TBC1D14: variants seen among roughly 807,000 people sequenced by gnomAD.
TBC1D14 encodes TBC1 domain family, member 14.
A neutral mutation model predicts 79.0 loss-of-function variants in TBC1D14; 26 were observed. That is an observed-to-expected ratio of 0.33 (90% confidence interval 0.24 to 0.46). TBC1D14 has a LOEUF of 0.46. Among genes scored for constraint, TBC1D14 ranks in the 20% least tolerant of loss-of-function variants. TBC1D14 has a pLI of 1.00. For synonymous variants in TBC1D14, 394 were observed against 349.9 expected, an observed-to-expected ratio of 1.13 and a Z score of -1.40; for missense variants, 769 against 887.6, an observed-to-expected ratio of 0.87 and a Z score of 1.70.
chr4:6,978,104 C>G (rs573641038), intron 3 of TBC1D14, among the ~76,000 whole-genome samples: 1 of 150,098 alleles, frequency 6.7e-6, no homozygotes, highest in Non-Finnish European at 1.5e-5. Context: ...GCCGCCCCAT[C>G]CGGGAGGGAG....
intron 2 of TBC1D14, among the ~76,000 whole-genome samples, chr4:6,957,643 T>C (rs1714766329): frequency 6.6e-6 from 1 of 152,186 alleles, no homozygotes; most frequent in South Asian, 2.1e-4. Context: ...ATGTGTCTTT[T>C]AGGTTTTATC....
intron 13 of TBC1D14, among the ~76,000 whole-genome samples, chr4:7,028,055 C>G (rs540844346): frequency 6.3e-4 from 93 of 147,712 alleles, no homozygotes; most frequent in African/African-American, 2.3e-3. Context: ...CTACACATTG[C>G]ATACCCACAC....
chr4:6,919,007 G>C (rs1225764944), intron 1 of TBC1D14, among the ~76,000 whole-genome samples: 3 of 152,152 alleles, frequency 2.0e-5, no homozygotes, highest in Non-Finnish European at 4.4e-5. Context: ...CACGGCTCTG[G>C]GGAAGAGCAG....
chr4:6,986,115 T>C (rs940895814), intron 3 of TBC1D14, among the ~76,000 whole-genome samples: 2 of 152,232 alleles, frequency 1.3e-5, no homozygotes. Context: ...ATTTACCTTT[T>C]TAAGAAGTGT....
intron 2 of TBC1D14, among the ~76,000 whole-genome samples, chr4:6,939,936 C>T (rs1308853891): frequency 2.0e-5 from 3 of 151,854 alleles, no homozygotes; most frequent in African/African-American, 4.8e-5. Flanking sequence ...ACTGGCCTTG[C>T]TTTTCAGGCG....
chr4:7,014,639 A>G, intron 12 of TBC1D14, 82 bp downstream of exon 12: 3 of 978,310 alleles, frequency 3.1e-6, no homozygotes, highest in Non-Finnish European at 4.8e-6. Flanking sequence ...CAACTTCTTC[A>G]TGGCCCGGCT....
intron 3 of TBC1D14, among the ~76,000 whole-genome samples, chr4:6,986,315 GTC>G (rs1166854866): frequency 2.0e-5 from 3 of 152,200 alleles, no homozygotes; most frequent in Non-Finnish European, 4.4e-5. Flanking sequence ...TTGCATGCAA[GTC>G]TCTCTGGTCG....
At chr4:7,007,342 C>T (rs983536293) in intron 9 of TBC1D14, among the ~76,000 whole-genome samples, 28 of 152,208 alleles carry the variant, frequency 1.8e-4, no homozygotes, top group African/African-American at 6.0e-4. Context: ...GGGCTGCCAG[C>T]AGTAGGTTGT....
intron 3 of TBC1D14, among the ~76,000 whole-genome samples, chr4:6,980,265 T>G (rs1485667352): frequency 6.6e-6 from 1 of 152,146 alleles, no homozygotes; most frequent in African/African-American, 2.4e-5. Flanking sequence ...CTCCCCAAAC[T>G]TGCACATTAA....
chr4:7,023,299 C>T (rs1241372971), intron 12 of TBC1D14, among the ~76,000 whole-genome samples: 2 of 152,138 alleles, frequency 1.3e-5, no homozygotes, highest in African/African-American at 4.8e-5. Flanking sequence ...CGTCTTTCCC[C>T]ATCCGTTTTT....
At chr4:6,969,808 AAC>A (rs1434376204) in intron 3 of TBC1D14, among the ~76,000 whole-genome samples, 2 of 151,900 alleles carry the variant, frequency 1.3e-5, no homozygotes, top group African/African-American at 2.4e-5. Context: ...ATTATGCGGT[AAC>A]ACAATATTGC....
At chr4:6,957,913 A>C (rs1486789485) in intron 2 of TBC1D14, among the ~76,000 whole-genome samples, 1 of 147,822 alleles carries the variant, frequency 6.8e-6, no homozygotes, top group Non-Finnish European at 1.5e-5. Flanking sequence ...AAAAATAAAT[A>C]AATAAATAAA....
At chr4:6,996,731 G>T (rs910513382) in intron 5 of TBC1D14, among the ~76,000 whole-genome samples, 2 of 152,184 alleles carry the variant, frequency 1.3e-5, no homozygotes, top group Non-Finnish European at 2.9e-5. Flanking sequence ...TCCCGGGCGG[G>T]CTGTAAAGCC....
At chr4:6,948,803 G>A (rs530430320) in intron 2 of TBC1D14, among the ~76,000 whole-genome samples, 9 of 150,876 alleles carry the variant, frequency 6.0e-5, no homozygotes, top group Admixed American at 1.3e-4. Flanking sequence ...AGATTCAAGC[G>A]ATTCTTCTGC....
chr4:6,993,298 G>T (rs1015921973), intron 3 of TBC1D14, among the ~76,000 whole-genome samples: 2 of 152,112 alleles, frequency 1.3e-5, no homozygotes, highest in Non-Finnish European at 2.9e-5. Context: ...TGCACAGAGC[G>T]AAGTACCTAC....
rs1052232072 is a variant in TBC1D14 at position 6,997,556 on chromosome 4, G to T, written c.1045+1149G>T. ...CAGGAGAATCGCTTGAACCCAGGAG[G>T]TGGAGGTTGCAGTGAGCCGAGATCG... On this transcript the variant is annotated intron_variant, in intron 5 of 13. Coordinates refer to ENST00000409757, the MANE Select transcript of TBC1D14 (RefSeq NM_020773.3). Among the ~76,000 whole-genome samples the T allele has an allele frequency of 2.6e-5, 4 of 152,160 alleles. No homozygotes were observed. In the East Asian group the frequency reaches 5.8e-4, roughly 22 times the overall value.
At position 7,030,230 on chromosome 4, in the gene TBC1D14, G is replaced by C. The variant is rs147809152; in HGVS notation, c.2017-97G>C. 8.1e-4 allele frequency: 944 copies of C among 1,163,820 alleles called. 6 individuals carry two copies. In the East Asian group the frequency reaches 0.019, roughly 23 times the overall value. The allele number at this position is 1,163,820 out of a possible 1,614,324, so 72.1% of individuals were successfully genotyped here. A position where few individuals can be genotyped will look rare whatever the true frequency, so the allele number is the denominator to read the frequency against. On this transcript the variant is annotated intron_variant, in intron 13 of 13. Transcript: ENST00000409757. ...GAGGCAGTGGAAGTGGGGAGCCGGGGGACCCTGTTAGGAGGCTACTGCTGT... is the reference window on the plus strand; with the variant it reads ...GAGGCAGTGGAAGTGGGGAGCCGGGCGACCCTGTTAGGAGGCTACTGCTGT...
rs750446945 is a variant in TBC1D14, at chr4:7,030,309, C to A, written c.2017-18C>A. On this transcript the variant is annotated intron_variant, in intron 13 of 13. Transcript: ENST00000409757. ...TGCGTGGTCACTTAACCTCAGCTGT[C>A]TTCCCTGTGACTTCTAGGTACTGAC... 4 of 1,613,090 alleles carry A rather than the reference C, an allele frequency of 2.5e-6. No individual in the cohort carries two copies. Among genetic ancestry groups the A allele is most frequent in the Admixed American group, 3.3e-5 (2 of 60,010 alleles).
intron 12 of TBC1D14, among the ~76,000 whole-genome samples, chr4:7,018,822 C>G (rs1459278115): frequency 6.6e-6 from 1 of 152,240 alleles, no homozygotes; most frequent in African/African-American, 2.4e-5. Context: ...GTAGGACTGA[C>G]TTTAGGTCAT....
Sources: allele counts gnomAD v4.1 joint callset (sites outside exome capture counted in the v4.1 genomes callset), GRCh38; gene constraint gnomAD v4.1.1; transcripts MANE v1.5; gene names NCBI Gene and HGNC (gene_info 2026-07-23, HGNC 2026-07-21).